The following SH3BGR variants were observed in gnomAD, a reference collection of about 807,000 sequenced individuals.
The protein encoded by SH3BGR is SH3 domain-binding glutamic acid-rich protein.
Under a neutral mutation model 24.5 loss-of-function variants are expected in SH3BGR, and 29 were observed. The observed-to-expected ratio is 1.18, with a 90% confidence interval of 0.88 to 1.61. The LOEUF (loss-of-function observed/expected upper bound fraction) is 1.61, where lower values mean the gene tolerates loss of function less well. SH3BGR is among the 40% of genes most tolerant of loss of function. The probability of loss-of-function intolerance (pLI) is 0.00; values close to 1 mark genes in which losing one functional copy is unlikely to be tolerated. For missense variants in SH3BGR, 162 were observed against 205.8 expected (o/e 0.79, Z 1.30); for synonymous variants, 55 against 65.7 (o/e 0.84, Z 0.79).
intron 4 of SH3BGR, among the ~76,000 whole-genome samples, chr21:39,503,952 G>A (rs1350156838): frequency 2.6e-5 from 4 of 152,172 alleles, no homozygotes; most frequent in Non-Finnish European, 5.9e-5. Context: ...CTAAGGAACC[G>A]GCGCCTCAGG....
At position 39,503,718 on chromosome 21, in the gene SH3BGR, T is replaced by C. The variant is rs181995813; in HGVS notation, c.405+3803T>C. Reference sequence around the variant, plus strand: ...AAAACTATTATCTTCTTTAATGATATGGACTTCCCCTGACCACCTCCTCAA... The same window carrying C: ...AAAACTATTATCTTCTTTAATGATACGGACTTCCCCTGACCACCTCCTCAA... On this transcript the variant is annotated intron_variant, in intron 4 of 6. Transcript: ENST00000333634. Among the ~76,000 whole-genome samples, 351 of 152,364 alleles carry C rather than the reference T, an allele frequency of 2.3e-3. 2 individuals carry two copies. Among genetic ancestry groups the C allele is most frequent in the African/African-American group, 8.0e-3 (332 of 41,586 alleles).
rs562639577 is a variant in SH3BGR, at chr21:39,496,749, T to G, written c.313-3074T>G. ...GTAGTGATAAAAATCTGTAAAATGT[T>G]TAGGAATAAATTTATCAAGAAACAT... On this transcript the variant is annotated intron_variant, in intron 3 of 6. Transcript: ENST00000333634. Among the ~76,000 whole-genome samples the G allele has an allele frequency of 5.6e-4, 85 of 152,176 alleles. 1 individual carries two copies. The highest frequency in any genetic ancestry group is 1.9e-3 in the African/African-American group (79 of 41,538).
chr21:39,473,470 A>G (rs2077974810), intron 2 of SH3BGR, among the ~76,000 whole-genome samples: 1 of 152,242 alleles, frequency 6.6e-6, no homozygotes, highest in Admixed American at 6.5e-5. Context: ...TCATGATGTT[A>G]TATTCCTTTC....
At chr21:39,502,792 A>G (rs1292281418) in intron 4 of SH3BGR, among the ~76,000 whole-genome samples, 2 of 152,206 alleles carry the variant, frequency 1.3e-5, no homozygotes, top group Non-Finnish European at 2.9e-5. Context: ...GGCTGGACAC[A>G]GACTGGCCTT....
intron 3 of SH3BGR, among the ~76,000 whole-genome samples, chr21:39,492,515 C>T (rs891960124): frequency 7.4e-5 from 11 of 149,476 alleles, no homozygotes; most frequent in Non-Finnish European, 1.5e-4. Context: ...TTTCTTTATC[C>T]ACTTGTTGAT....
At chr21:39,502,635 G>A (rs1300893600) in intron 4 of SH3BGR, among the ~76,000 whole-genome samples, 5 of 152,226 alleles carry the variant, frequency 3.3e-5, no homozygotes, top group Admixed American at 6.5e-5. Context: ...CTTCCAGCTG[G>A]GTGGGGTGTT....
At chr21:39,492,138 A>G (rs1355195652) in intron 3 of SH3BGR, among the ~76,000 whole-genome samples, 3 of 151,976 alleles carry the variant, frequency 2.0e-5, no homozygotes, top group Non-Finnish European at 4.4e-5. Context: ...TGGTTACACA[A>G]GTTCTTTAGC....
chr21:39,493,307 T>A (rs1197640379), intron 3 of SH3BGR, among the ~76,000 whole-genome samples: 2 of 152,202 alleles, frequency 1.3e-5, no homozygotes, highest in Non-Finnish European at 2.9e-5. Flanking sequence ...AGGTGAGAGA[T>A]GAGGATCCAG....
intron 3 of SH3BGR, among the ~76,000 whole-genome samples, chr21:39,495,270 A>G (rs561178136): frequency 6.6e-6 from 1 of 152,200 alleles, no homozygotes; most frequent in East Asian, 1.9e-4. Flanking sequence ...TTTGGATGGT[A>G]TCTTGAACAT....
intron 4 of SH3BGR, among the ~76,000 whole-genome samples, chr21:39,505,626 G>A (rs2078569227): frequency 6.6e-6 from 1 of 152,120 alleles, no homozygotes; most frequent in African/African-American, 2.4e-5. Flanking sequence ...TTAGCTGGGT[G>A]TGGTAGCGGG....
intron 5 of SH3BGR, among the ~76,000 whole-genome samples, chr21:39,510,369 C>T (rs113503797): frequency 2.1e-5 from 3 of 141,974 alleles, no homozygotes; most frequent in African/African-American, 8.2e-5. Context: ...GCTACATACA[C>T]ACACACACAC....
intron 3 of SH3BGR, chr21:39,491,399 C>G (rs1198931942): frequency 6.4e-6 from 1 of 156,584 alleles, no homozygotes; most frequent in Non-Finnish European, 1.4e-5. Context: ...ATCCACCCGC[C>G]TTGGCCTCCC....
chr21:39,453,331 T>A (rs1446755596), intron 1 of SH3BGR, among the ~76,000 whole-genome samples: 1 of 152,210 alleles, frequency 6.6e-6, no homozygotes, highest in African/African-American at 2.4e-5. Flanking sequence ...CTCTGCGAAA[T>A]CTTTTGTGGC....
At chr21:39,488,390 G>T in intron 3 of SH3BGR, 1 of 227,272 alleles carries the variant, frequency 4.4e-6, no homozygotes, top group Middle Eastern at 2.4e-3. Context: ...TTGACTGAAT[G>T]GGTGATGGCA....
chr21:39,484,565 T>G (rs2078179902), intron 3 of SH3BGR, among the ~76,000 whole-genome samples: 1 of 152,216 alleles, frequency 6.6e-6, no homozygotes, highest in Admixed American at 6.5e-5. Flanking sequence ...TGATTTGTGC[T>G]CAGGTACTGT....
chr21:39,506,226 T>G (rs532720167), intron 4 of SH3BGR, among the ~76,000 whole-genome samples: 33 of 152,294 alleles, frequency 2.2e-4, no homozygotes, highest in African/African-American at 7.5e-4. Context: ...AAGTAAATGA[T>G]GATTATGGGA....
intron 4 of SH3BGR, among the ~76,000 whole-genome samples, chr21:39,508,212 G>T (rs76892535): frequency 0.086 from 13,055 of 152,254 alleles, 817 homozygotes; most frequent in African/African-American, 0.17. Context: ...GGAATTTTTA[G>T]GGACTGCTCT....
At chr21:39,464,085 T>C (rs985611331) in intron 2 of SH3BGR, among the ~76,000 whole-genome samples, 2 of 152,208 alleles carry the variant, frequency 1.3e-5, no homozygotes, top group Admixed American at 1.3e-4. Flanking sequence ...TCTGCCCTCA[T>C]CCTCACATGG....
In SH3BGR at chr21:39,475,151, TCTC is replaced by T. The variant is rs1187657306; in HGVS notation, c.249_251del (p.Ser84del). ...TGCTTCAAGGATTTTGACTCTTTCT[TCTC>T]TGCAAAAGAAGAGAATATTATTTAT... On this transcript the variant is annotated inframe_deletion, in exon 3 of 7. Coordinates refer to ENST00000333634, the MANE Select transcript of SH3BGR (RefSeq NM_007341.3). The T allele has an allele frequency of 1.9e-6, 3 of 1,609,830 alleles. No individual in the cohort carries two copies. The highest frequency in any genetic ancestry group is 2.5e-6 in the Non-Finnish European group (3 of 1,176,634).
Sources: allele counts gnomAD v4.1 joint callset (sites outside exome capture counted in the v4.1 genomes callset), GRCh38; gene constraint gnomAD v4.1.1; transcripts MANE v1.5; gene names NCBI Gene and HGNC (gene_info 2026-07-23, HGNC 2026-07-21).